Variants in CNTNAP2 observed in about 807,000 individuals in gnomAD.
The protein encoded by CNTNAP2 is contactin-associated protein-like 2.
Under a neutral mutation model 155.2 loss-of-function variants are expected in CNTNAP2, and 98 were observed. That is an observed-to-expected ratio of 0.63 (90% CI 0.54 to 0.75). The LOEUF is 0.75. Among genes scored for constraint, CNTNAP2 ranks in the 30% least tolerant of loss-of-function variants. The pLI is 0.00. For synonymous variants in CNTNAP2, 651 were observed against 631.2 expected, an observed-to-expected ratio of 1.03 and a Z score of -0.47; for missense variants, 1,727 against 1,688.1, an observed-to-expected ratio of 1.02 and a Z score of -0.40.
chr7:148,238,365 A>T (rs896923445), intron 20 of CNTNAP2, among the ~76,000 whole-genome samples: 4 of 152,174 alleles, frequency 2.6e-5, no homozygotes, highest in African/African-American at 9.7e-5. Flanking sequence ...AAGAAGTCCC[A>T]ATGATGAATA....
intron 13 of CNTNAP2, among the ~76,000 whole-genome samples, chr7:147,835,429 G>A (rs1188136529): frequency 6.6e-6 from 1 of 152,174 alleles, no homozygotes; most frequent in Admixed American, 6.5e-5. Flanking sequence ...GGCCAAGATA[G>A]TGGCCAAGCC....
chr7:146,532,729 C>A (rs1258056957), intron 1 of CNTNAP2, among the ~76,000 whole-genome samples: 1 of 151,954 alleles, frequency 6.6e-6, no homozygotes, highest in East Asian at 1.9e-4. Flanking sequence ...TACTCAGACT[C>A]TAGAAATATT....
chr7:147,866,518 G>A (rs181649394), intron 13 of CNTNAP2, among the ~76,000 whole-genome samples: 7 of 152,210 alleles, frequency 4.6e-5, no homozygotes, highest in Admixed American at 4.6e-4. Flanking sequence ...TGACAGTAGG[G>A]TGTTAAAGTC....
intron 1 of CNTNAP2, among the ~76,000 whole-genome samples, chr7:146,398,936 T>A (rs1354949464): frequency 6.6e-6 from 1 of 152,102 alleles, no homozygotes; most frequent in Non-Finnish European, 1.5e-5. Flanking sequence ...AATCCTGTCA[T>A]AATAACCTAT....
At chr7:148,021,815 G>A (rs1394473270) in intron 15 of CNTNAP2, among the ~76,000 whole-genome samples, 1 of 152,200 alleles carries the variant, frequency 6.6e-6, no homozygotes, top group Non-Finnish European at 1.5e-5. Flanking sequence ...AAAACCTGGA[G>A]GATTGCTCCA....
rs188735658 is a variant in CNTNAP2, at chr7:147,328,162, C to T, written c.1498+27872C>T. Among the ~76,000 whole-genome samples, 358 of 152,214 alleles carry T rather than the reference C, an allele frequency of 2.4e-3. 2 individuals are homozygous for T. Among genetic ancestry groups the T allele is most frequent in the Admixed American group, 0.022 (335 of 15,280 alleles). On this transcript the variant is annotated intron_variant, in intron 9 of 23. Transcript: ENST00000361727. ...CTACTTCAGTCATATTTTTCTTCCA[C>T]ATCTTCCCACAAAGAAAATGAGTTT...
At chr7:147,772,483 T>TATATAC (rs1491170896) in intron 13 of CNTNAP2, among the ~76,000 whole-genome samples, 41 of 90,238 alleles carry the variant, frequency 4.5e-4, no homozygotes, top group East Asian at 1.8e-3. Flanking sequence ...TATATATATA[T>TATATAC]ACACACACAA....
chr7:146,570,975 C>T (rs1384935899), intron 1 of CNTNAP2, among the ~76,000 whole-genome samples: 3 of 151,914 alleles, frequency 2.0e-5, no homozygotes. Flanking sequence ...TTCCACTTAC[C>T]TAAAAATAAA....
chr7:146,645,846 C>T (rs892880352), intron 1 of CNTNAP2, among the ~76,000 whole-genome samples: 6 of 151,914 alleles, frequency 3.9e-5, no homozygotes, highest in Non-Finnish European at 7.4e-5. Flanking sequence ...GGAACTCAAG[C>T]TGCACTGACT....
intron 8 of CNTNAP2, among the ~76,000 whole-genome samples, chr7:147,154,011 G>A (rs185179394): frequency 3.3e-5 from 5 of 152,132 alleles, no homozygotes; most frequent in African/African-American, 7.2e-5. Flanking sequence ...TTTCAAGAAA[G>A]TCAAGGATTG....
intron 9 of CNTNAP2, among the ~76,000 whole-genome samples, chr7:147,319,567 G>A (rs970737520): frequency 1.3e-5 from 2 of 152,018 alleles, no homozygotes; most frequent in African/African-American, 4.8e-5. Context: ...TAGTAGAGAT[G>A]AGGTTTCACC....
At chr7:146,960,376 A>G (rs1325774606) in intron 3 of CNTNAP2, among the ~76,000 whole-genome samples, 1 of 152,232 alleles carries the variant, frequency 6.6e-6, no homozygotes, top group Non-Finnish European at 1.5e-5. Context: ...GAGAGAGGCC[A>G]GTTAGGAATT....
At chr7:146,399,185 G>C (rs1186861973) in intron 1 of CNTNAP2, among the ~76,000 whole-genome samples, 3 of 151,906 alleles carry the variant, frequency 2.0e-5, no homozygotes, top group Non-Finnish European at 4.4e-5. Context: ...ATTTTTGGGG[G>C]GTAATGAGAA....
At chr7:146,867,693 A>T (rs1042559995) in intron 3 of CNTNAP2, among the ~76,000 whole-genome samples, 3 of 151,230 alleles carry the variant, frequency 2.0e-5, no homozygotes, top group Admixed American at 2.0e-4. Flanking sequence ...TATTTTATTT[A>T]CTTTTTCATT....
chr7:146,406,227 T>C (rs1304634208), intron 1 of CNTNAP2, among the ~76,000 whole-genome samples: 1 of 152,246 alleles, frequency 6.6e-6, no homozygotes, highest in East Asian at 1.9e-4. Flanking sequence ...TTCATAAATA[T>C]GCAGTGGTGA....
chr7:146,983,557 C>T (rs1798059234), intron 3 of CNTNAP2, among the ~76,000 whole-genome samples: 1 of 152,174 alleles, frequency 6.6e-6, no homozygotes, highest in Non-Finnish European at 1.5e-5. Context: ...CGCCAAGATT[C>T]AAATGTGATA....
At chr7:147,008,913 G>T (rs1798574442) in intron 3 of CNTNAP2, among the ~76,000 whole-genome samples, 1 of 151,148 alleles carries the variant, frequency 6.6e-6, no homozygotes, top group Admixed American at 6.6e-5. Flanking sequence ...AAGTTGTTTT[G>T]TGTGTTCAGG....
chr7:146,747,499 G>C (rs908285465), intron 1 of CNTNAP2, among the ~76,000 whole-genome samples: 1 of 152,078 alleles, frequency 6.6e-6, no homozygotes, highest in South Asian at 2.1e-4. Flanking sequence ...GAATGATTTT[G>C]TCTGTTTTAT....
intron 1 of CNTNAP2, among the ~76,000 whole-genome samples, chr7:146,192,388 T>C (rs1293019729): frequency 2.0e-5 from 3 of 152,136 alleles, no homozygotes; most frequent in Non-Finnish European, 4.4e-5. Context: ...CTAATAAAGA[T>C]GTACCCAAGA....
Sources: gnomAD v4.1 joint callset for allele counts (sites outside exome capture counted in the v4.1 genomes callset) on GRCh38, gnomAD v4.1.1 for gene constraint, MANE v1.5 for transcripts, NCBI Gene and HGNC (gene_info 2026-07-23, HGNC 2026-07-21) for gene names.